The following TUB variants were observed in gnomAD, a reference collection of about 807,000 sequenced individuals.
TUB encodes TUB bipartite transcription factor.
In TUB, 33 loss-of-function variants were observed where a neutral mutation model predicts 59.7. The observed-to-expected ratio is 0.55, with a 90% CI of 0.42 to 0.74. TUB has a LOEUF of 0.74. Among genes scored for constraint, TUB ranks in the 30% least tolerant of loss-of-function variants. The probability of loss-of-function intolerance (pLI) is 0.00; values close to 1 mark genes in which losing one functional copy is unlikely to be tolerated. For synonymous variants in TUB, 293 were observed against 256.4 expected (o/e 1.14, Z -1.36); for missense variants, 659 against 672.0 (o/e 0.98, Z 0.21).
chr11:8,097,468 C>G, intron 7 of TUB, 43 bp downstream of exon 7: 1 of 1,612,066 alleles, frequency 6.2e-7, no homozygotes. Context: ...CTTTACAGCC[C>G]TTTGAAATCC....
rs78964060 is a variant in TUB, at chr11:8,084,469, C to A, written c.38+2921C>A. On this transcript the variant is annotated intron_variant, in intron 1 of 11. Coordinates refer to ENST00000299506, the MANE Select transcript of TUB (RefSeq NM_177972.3). ...TTAAATGCCCTTAGTACATTTACAG[C>A]CTTTTATAAGTTGTAAGTGGAGCAG... is the stretch of plus-strand genomic sequence containing the variant. 6.7e-3 allele frequency among the ~76,000 whole-genome samples: 1,020 copies of A among 152,304 alleles called. 63 individuals carry two copies. The East Asian group carries it at 0.16, about 23-fold the overall frequency.
At chr11:8,037,132 C>T (rs1254507391), upstream of TUB, among the ~76,000 whole-genome samples, 1 of 152,224 alleles carries the variant, frequency 6.6e-6, no homozygotes, top group Non-Finnish European at 1.5e-5. Context: ...GGTGCATGCA[C>T]ACGTCCACTT....
intron 1 of TUB, among the ~76,000 whole-genome samples, chr11:8,033,421 G>C (rs147758004): frequency 6.1e-4 from 93 of 152,318 alleles, no homozygotes; most frequent in African/African-American, 2.1e-3. Context: ...CTTTCGCCCA[G>C]TTTCAGCCTG....
At chr11:8,052,720 C>A (rs1393376277) in intron 2 of TUB, among the ~76,000 whole-genome samples, 1 of 152,148 alleles carries the variant, frequency 6.6e-6, no homozygotes, top group Non-Finnish European at 1.5e-5. Flanking sequence ...CGTGATCCGG[C>A]CACCTTGGCC....
At chr11:8,023,509 G>A (rs770294563) in intron 1 of TUB, among the ~76,000 whole-genome samples, 5 of 152,160 alleles carry the variant, frequency 3.3e-5, no homozygotes, top group African/African-American at 1.2e-4. Flanking sequence ...TCAACGCAAT[G>A]CTTCTAACAC....
upstream of TUB, among the ~76,000 whole-genome samples, chr11:8,034,128 A>G (rs1275464918): frequency 6.6e-6 from 1 of 152,172 alleles, no homozygotes; most frequent in African/African-American, 2.4e-5. Flanking sequence ...AGAGCCTCCC[A>G]GCCTAACAGC....
intron 8 of TUB, 78 bp from the exon 9 acceptor site, chr11:8,098,680 C>A: frequency 9.0e-7 from 1 of 1,117,286 alleles, no homozygotes; most frequent in Non-Finnish European, 1.3e-6. Flanking sequence ...GCAGGCTCCT[C>A]ATAGGACAGA....
chr11:8,078,652 C>T (rs1022241020), upstream of TUB, among the ~76,000 whole-genome samples: 2 of 152,104 alleles, frequency 1.3e-5, no homozygotes, highest in Admixed American at 1.3e-4. Flanking sequence ...TTCTCCTGCA[C>T]GCGTACCATC....
At chr11:8,049,578 T>TATATATATATATATAG (rs1055522231) in intron 2 of TUB, among the ~76,000 whole-genome samples, 94 of 85,912 alleles carry the variant, frequency 1.1e-3, no homozygotes, top group African/African-American at 1.9e-3. Context: ...TATATATATA[T>TATATATATATATATAG]ATAGATAGAT....
chr11:8,040,547 C>T (rs1336841184), intron 2 of TUB, among the ~76,000 whole-genome samples: 1 of 152,152 alleles, frequency 6.6e-6, no homozygotes, highest in Non-Finnish European at 1.5e-5. Context: ...CCAGGGGTCT[C>T]GAGTATGGCC....
intron 9 of TUB, among the ~76,000 whole-genome samples, chr11:8,099,521 C>T (rs866284827): frequency 8.5e-5 from 13 of 152,160 alleles, no homozygotes; most frequent in South Asian, 2.1e-4. Context: ...GGGAGGCAGC[C>T]TGAGTCTTCA....
intron 1 of TUB, among the ~76,000 whole-genome samples, chr11:8,029,039 A>G (rs552092300): frequency 1.9e-4 from 29 of 152,232 alleles, no homozygotes; most frequent in African/African-American, 6.5e-4. Flanking sequence ...AAAACAAAAA[A>G]CAAACCCCAA....
In TUB at chr11:8,101,787, GC is replaced by G; in HGVS notation, c.*169del. On this transcript the variant is annotated 3_prime_UTR_variant, in exon 12 of 12. Transcript: ENST00000299506. ...GCCAGGAACTGGCTCCTTTGCCTCT[GC>G]TACTGAGGCAGGGGAGTAGTGGAGA... 3.5e-5 allele frequency: 44 copies of G among 1,252,594 alleles called. No individual in the cohort carries two copies. Among genetic ancestry groups the G allele is most frequent in the Non-Finnish European group, 4.5e-5 (42 of 933,256 alleles). The allele number at this position is 1,252,594 out of a possible 1,614,324, so 77.6% of individuals were successfully genotyped here. A position where few individuals can be genotyped will look rare whatever the true frequency, so the allele number is the denominator to read the frequency against.
intron 2 of TUB, among the ~76,000 whole-genome samples, chr11:8,060,853 A>G (rs960649045): frequency 6.6e-6 from 1 of 152,234 alleles, no homozygotes; most frequent in Non-Finnish European, 1.5e-5. Context: ...ACACACACTG[A>G]GAAAACCAAG....
intron 3 of TUB, among the ~76,000 whole-genome samples, chr11:8,091,361 C>T (rs1219417290): frequency 6.6e-6 from 1 of 152,178 alleles, no homozygotes; most frequent in Admixed American, 6.5e-5. Context: ...GAAGCCTACT[C>T]CGTTTCTTCT....
chr11:8,097,314 G>A lies in TUB; in HGVS notation c.774G>A (p.Pro258=), dbSNP rs965503661. ...ATCTTGAGGAGTTTGCACTGAGGCCGGCCCCCCAGGGTATCACCATCAAAT... is the reference window on the plus strand; with the variant it reads ...ATCTTGAGGAGTTTGCACTGAGGCCAGCCCCCCAGGGTATCACCATCAAAT... ...VQDLEEFALR[P]APQGITIKCR... The change falls in exon 7 of 12, where the codon CCG becomes CCA. Residue 258 remains proline (P), a synonymous_variant. Coordinates refer to ENST00000299506, the MANE Select transcript of TUB (RefSeq NM_177972.3). 2.7e-5 allele frequency: 44 copies of A among 1,614,032 alleles called. No individual in the cohort carries two copies. The highest frequency in any genetic ancestry group is 3.4e-5 in the Non-Finnish European group (40 of 1,180,028).
chr11:8,093,917 G>C, intron 3 of TUB, 129 bp from the exon 4 acceptor site: 8 of 1,044,790 alleles, frequency 7.7e-6, no homozygotes, highest in South Asian at 1.4e-5. Flanking sequence ...CTGTAGAAGT[G>C]GTACAGGGGC....
intron 1 of TUB, among the ~76,000 whole-genome samples, chr11:8,023,116 C>T (rs180816290): frequency 2.6e-5 from 4 of 152,284 alleles, no homozygotes; most frequent in East Asian, 1.9e-4. Flanking sequence ...CTTCTCTCCA[C>T]GTGCCTTCTC....
In TUB at chr11:8,101,565, G is replaced by T. The variant is rs767375278; in HGVS notation, c.1467G>T (p.Leu489=). ...TMDYNYPLCA[L]QAFAIALSSF... ...ATTACAACTACCCGCTGTGTGCACT[G>T]CAGGCCTTTGCCATTGCCCTGTCCA... The change falls in exon 12 of 12, where the codon CTG becomes CTT. Residue 489 remains leucine (L), a synonymous_variant. Coordinates refer to ENST00000299506, the MANE Select transcript of TUB (RefSeq NM_177972.3). 1.2e-6 allele frequency: 2 copies of T among 1,614,250 alleles called. No homozygotes were observed. Among genetic ancestry groups the T allele is most frequent in the East Asian group, 4.5e-5 (2 of 44,892 alleles).
Sources: allele counts gnomAD v4.1 joint callset (sites outside exome capture counted in the v4.1 genomes callset), GRCh38; gene constraint gnomAD v4.1.1; transcripts MANE v1.5; gene names NCBI Gene and HGNC (gene_info 2026-07-23, HGNC 2026-07-21).